The following COLGALT2 variants were observed in gnomAD, a reference collection of about 807,000 sequenced individuals.
The protein encoded by COLGALT2 is collagen beta(1-O)galactosyltransferase 2, also known as procollagen galactosyltransferase 2.
In COLGALT2, 49 loss-of-function variants were observed where a neutral mutation model predicts 73.4. The ratio of observed to expected loss-of-function variants is 0.67; its 90% CI spans 0.53 to 0.85. The LOEUF (loss-of-function observed/expected upper bound fraction) is 0.85, where lower values mean the gene tolerates loss of function less well. COLGALT2 is among the 40% of genes least tolerant of loss of function. The probability of loss-of-function intolerance (pLI) is 0.00; values close to 1 mark genes in which losing one functional copy is unlikely to be tolerated. For synonymous variants in COLGALT2, 295 were observed against 307.6 expected, an observed-to-expected ratio of 0.96 and a Z score of 0.43; for missense variants, 722 against 790.2, an observed-to-expected ratio of 0.91 and a Z score of 1.03.
In COLGALT2 at chr1:183,972,945, C is replaced by T. The variant is rs540443540; in HGVS notation, c.627+671G>A. On this transcript the variant is annotated intron_variant, in intron 4 of 11. Transcript: ENST00000361927. The stretch of plus-strand genomic sequence containing the variant: ...CAATCTCCTGACCTTGTAATCCGCC[C>T]GCCTTGGCCTCCCAAAGTGCTGGGA... 3.1e-4 allele frequency among the ~76,000 whole-genome samples: 47 copies of T among 152,274 alleles called. No homozygotes were observed. In the East Asian group the frequency reaches 6.9e-3, roughly 23 times the overall value.
At chr1:183,945,977 A>G (rs1670238219) in intron 8 of COLGALT2, 1 of 158,396 alleles carries the variant, frequency 6.3e-6, no homozygotes, top group Admixed American at 6.1e-5. Flanking sequence ...CCCCAGCCCT[A>G]CAAAAGCCTT....
chr1:183,996,602 C>T (rs1161838197), intron 1 of COLGALT2, among the ~76,000 whole-genome samples: 2 of 152,216 alleles, frequency 1.3e-5, no homozygotes, highest in Admixed American at 6.5e-5. Context: ...TTCCCCACCT[C>T]GTGAACAAAG....
At chr1:183,999,231 T>C (rs1286811151) in intron 1 of COLGALT2, among the ~76,000 whole-genome samples, 1 of 152,096 alleles carries the variant, frequency 6.6e-6, no homozygotes, top group African/African-American at 2.4e-5. Flanking sequence ...ACATATGGCT[T>C]TTTCCCGTTA....
At chr1:184,014,765 T>A (rs1648946622) in intron 1 of COLGALT2, among the ~76,000 whole-genome samples, 3 of 152,158 alleles carry the variant, frequency 2.0e-5, no homozygotes, top group Admixed American at 2.0e-4. Flanking sequence ...TTAGACAGGA[T>A]GAAATCTCTC....
At chr1:183,992,794 T>C (rs1363193705) in intron 1 of COLGALT2, among the ~76,000 whole-genome samples, 2 of 152,218 alleles carry the variant, frequency 1.3e-5, no homozygotes, top group African/African-American at 4.8e-5. Context: ...TGCTCAAGCC[T>C]TCCCCAACCT....
At position 183,969,442 on chromosome 1, in the gene COLGALT2, T is replaced by G. The variant is rs1670975969; in HGVS notation, c.659A>C (p.Gln220Pro). 3.1e-6 allele frequency: 5 copies of G among 1,613,502 alleles called. No individual in the cohort carries two copies. Among genetic ancestry groups the G allele is most frequent in the Non-Finnish European group, 4.2e-6 (5 of 1,179,668 alleles). ...GFYKRTPDYV[Q>P]IREWKRTGCF... ...GCCTGTCCTCTTCCATTCTCGAATC[T>G]GAACGTAGTCTGGGGTCCTCTTATA... Residue 220 changes from glutamine (Q) to proline (P), a missense_variant, in exon 5 of 12, where the codon CAG becomes CCG. Transcript: ENST00000361927.
chr1:184,035,650 T>C (rs1447628786), intron 1 of COLGALT2, among the ~76,000 whole-genome samples: 1 of 152,184 alleles, frequency 6.6e-6, no homozygotes, highest in Non-Finnish European at 1.5e-5. Flanking sequence ...TTATGGTAAA[T>C]ACTGTAACGT....
At chr1:183,965,596 A>T (rs1241012969) in intron 5 of COLGALT2, among the ~76,000 whole-genome samples, 1 of 152,248 alleles carries the variant, frequency 6.6e-6, no homozygotes, top group Non-Finnish European at 1.5e-5. Context: ...TTAGGTTGAT[A>T]GCTTCAGCAC....
intron 1 of COLGALT2, among the ~76,000 whole-genome samples, chr1:184,025,881 G>T (rs1237062804): frequency 6.6e-6 from 1 of 152,176 alleles, no homozygotes; most frequent in East Asian, 1.9e-4. Context: ...TTCAGATATG[G>T]TTATCCCCAT....
At chr1:183,972,030 C>A (rs4651159) in intron 4 of COLGALT2, among the ~76,000 whole-genome samples, 107,959 of 152,166 alleles carry the variant, frequency 0.71, 38,775 homozygotes, top group East Asian at 0.84. Context: ...ACACTACTGA[C>A]CTTATTTCTC....
rs566621982 is a variant in COLGALT2, at chr1:184,013,695, C to T, written c.263+23400G>A. On this transcript the variant is annotated intron_variant, in intron 1 of 11. Transcript: ENST00000361927. ...TTGGGAGTAATATGGCCAAGTTTTACCTAAAGAAAGGTCATGTAGCTTCCA... is the reference window on the plus strand; with the variant it reads ...TTGGGAGTAATATGGCCAAGTTTTATCTAAAGAAAGGTCATGTAGCTTCCA... 2.0e-5 allele frequency among the ~76,000 whole-genome samples: 3 copies of T among 151,420 alleles called. No individual in the cohort carries two copies. In the South Asian group the frequency reaches 6.3e-4, roughly 32 times the overall value.
Position 183,978,509 on chromosome 1 carries a change from T to A in COLGALT2, c.275A>T (p.Asp92Val). 6.2e-7 allele frequency: 1 copy of A among 1,600,870 alleles called. No individual in the cohort carries two copies. Among genetic ancestry groups the A allele is most frequent in the Non-Finnish European group, 8.6e-7 (1 of 1,168,896 alleles). ...KSRMAIWAAT[D>V]HNVDNTTEIF... ...TTCTGTTGTATTATCCACATTGTGA[T>A]CAGTGGCTGCCCTGCATGAGAGAAA... Residue 92 changes from aspartate (D) to valine (V), a missense_variant, in exon 2 of 12, where the codon GAT becomes GTT. Coordinates refer to ENST00000361927, the MANE Select transcript of COLGALT2 (RefSeq NM_015101.4).
At chr1:183,931,604 T>C (rs1467156418), downstream of COLGALT2, among the ~76,000 whole-genome samples, 3 of 152,078 alleles carry the variant, frequency 2.0e-5, no homozygotes, top group Non-Finnish European at 2.9e-5. Flanking sequence ...TGAGTGGCGT[T>C]CAGGAGAGCC....
At chr1:183,939,329 T>C (rs1390707683) in intron 11 of COLGALT2, among the ~76,000 whole-genome samples, 2 of 152,202 alleles carry the variant, frequency 1.3e-5, no homozygotes, top group African/African-American at 4.8e-5. Context: ...TGTTAGACCA[T>C]AATGATAAAT....
At chr1:183,992,593 T>C (rs1385813890) in intron 1 of COLGALT2, among the ~76,000 whole-genome samples, 1 of 152,006 alleles carries the variant, frequency 6.6e-6, no homozygotes, top group African/African-American at 2.4e-5. Context: ...CTCTTTAATA[T>C]TGCTCAAAAC....
At position 183,986,222 on chromosome 1, in the gene COLGALT2, G is replaced by A. The variant is rs148587316; in HGVS notation, c.264-7702C>T. Among the ~76,000 whole-genome samples the A allele has an allele frequency of 1.4e-3, 213 of 152,234 alleles. 1 individual carries two copies. The highest frequency in any genetic ancestry group is 4.9e-3 in the African/African-American group (202 of 41,532). Reference sequence around the variant, plus strand: ...ACTAGATATGGATATGGTTAAAGACGTGAATATGGATTGGGGGTCTGGGGA... The same window carrying A: ...ACTAGATATGGATATGGTTAAAGACATGAATATGGATTGGGGGTCTGGGGA... On this transcript the variant is annotated intron_variant, in intron 1 of 11. Coordinates refer to ENST00000361927, the MANE Select transcript of COLGALT2 (RefSeq NM_015101.4).
intron 1 of COLGALT2, among the ~76,000 whole-genome samples, chr1:184,021,155 C>G (rs1460106049): frequency 6.6e-6 from 1 of 152,050 alleles, no homozygotes; most frequent in Admixed American, 6.5e-5. Flanking sequence ...TGTTACAGTT[C>G]ACTGTTTTTA....
At chr1:183,940,843 G>A in intron 10 of COLGALT2, 56 bp from the exon 11 acceptor site, 1 of 1,441,476 alleles carries the variant, frequency 6.9e-7, no homozygotes, top group Non-Finnish European at 9.8e-7. Context: ...GCCATGATAA[G>A]GATGAAGCAC....
intron 1 of COLGALT2, among the ~76,000 whole-genome samples, chr1:183,988,438 C>T (rs1462849391): frequency 6.6e-6 from 1 of 152,182 alleles, no homozygotes; most frequent in Non-Finnish European, 1.5e-5. Flanking sequence ...TCACCATTAT[C>T]CAATTCCAGA....
Sources: gnomAD v4.1 joint callset for allele counts (sites outside exome capture counted in the v4.1 genomes callset) on GRCh38, gnomAD v4.1.1 for gene constraint, MANE v1.5 for transcripts, NCBI Gene and HGNC (gene_info 2026-07-23, HGNC 2026-07-21) for gene names.